GPR26: variants seen among roughly 807,000 people sequenced by gnomAD.
GPR26 encodes G protein-coupled receptor 26.
GPR26 carries 15 observed loss-of-function variants against 23.1 expected under a neutral mutation model. That is an observed-to-expected ratio of 0.65 (90% confidence interval 0.43 to 1.00). The LOEUF (loss-of-function observed/expected upper bound fraction) is 1.00, where lower values mean the gene tolerates loss of function less well. GPR26 is among the 50% of genes least tolerant of loss of function. The probability of loss-of-function intolerance (pLI) is 0.00; values close to 1 mark genes in which losing one functional copy is unlikely to be tolerated. For missense variants in GPR26, 359 were observed against 470.5 expected (o/e 0.76, Z 2.19); for synonymous variants, 228 against 222.1 (o/e 1.03, Z -0.24).
In GPR26 at chr10:123,689,669, TGAA is replaced by T. The variant is rs1845470996; in HGVS notation, c.*1512_*1514del. On this transcript the variant is annotated 3_prime_UTR_variant, in exon 3 of 3. Transcript: ENST00000284674. ...AGGATGTGGTCCAACGGGAAGGAAG[TGAA>T]GAGTCTATTGGTTTTTACTTCTAGG... The T allele has an allele frequency of 6.6e-6, 1 of 152,206 alleles. No individual in the cohort carries two copies. The allele number at this position is 152,206 out of a possible 1,614,324, so 9.4% of individuals were successfully genotyped here. A position where few individuals can be genotyped will look rare whatever the true frequency, so the allele number is the denominator to read the frequency against.
chr10:123,684,873 C>T (rs546183018), intron 2 of GPR26, among the ~76,000 whole-genome samples: 1 of 152,346 alleles, frequency 6.6e-6, no homozygotes, highest in Non-Finnish European at 1.5e-5. Context: ...AGATGCAATT[C>T]AACCCTCAAT....
At chr10:123,679,567 C>G (rs1845345808) in intron 2 of GPR26, among the ~76,000 whole-genome samples, 2 of 152,188 alleles carry the variant, frequency 1.3e-5, no homozygotes, top group Non-Finnish European at 2.9e-5. Flanking sequence ...AGCCATGTCT[C>G]TATTGCATCC....
chr10:123,687,970 G>A lies in GPR26; in HGVS notation c.824G>A (p.Trp275Ter), dbSNP rs755868746. 6.2e-7 allele frequency: 1 copy of A among 1,612,424 alleles called. No homozygotes were observed. Among genetic ancestry groups the A allele is most frequent in the Non-Finnish European group, 8.5e-7 (1 of 1,178,870 alleles). ...LFSTVPIGSH[W>*]GVLSKCLAYS... is the part of the protein sequence containing the mutation. Reference sequence around the variant, plus strand: ...TCCACGGTGCCCATCGGCTCCCACTGGGGGGTGCTGTCCAAGTGCTTGGCG... The same window carrying A: ...TCCACGGTGCCCATCGGCTCCCACTAGGGGGTGCTGTCCAAGTGCTTGGCG... Residue 275 changes from tryptophan (W) to a stop codon, truncating the protein, a stop_gained, in exon 3 of 3, where the codon TGG becomes TAG. Transcript: ENST00000284674. LOFTEE classifies it high-confidence loss of function.
rs984776566 is a variant in GPR26, at chr10:123,695,636, T to G, written c.*7476T>G. Reference sequence around the variant, plus strand: ...GGTCAGTTTCCTAAGGACCAGACCATAGTGACTGCTCATGCATCGGCTGAA... The same window carrying G: ...GGTCAGTTTCCTAAGGACCAGACCAGAGTGACTGCTCATGCATCGGCTGAA... On this transcript the variant is annotated 3_prime_UTR_variant, in exon 3 of 3. Transcript: ENST00000284674. Among the ~76,000 whole-genome samples, 1 of 152,158 alleles carries G rather than the reference T, an allele frequency of 6.6e-6. No individual in the cohort carries two copies. Among genetic ancestry groups the G allele is most frequent in the Admixed American group, 6.5e-5 (1 of 15,278 alleles).
In GPR26 at chr10:123,666,806, C is replaced by G; in HGVS notation, c.399C>G (p.His133Gln). 1.2e-6 allele frequency: 2 copies of G among 1,607,748 alleles called. No homozygotes were observed. Among genetic ancestry groups the G allele is most frequent in the East Asian group, 2.2e-5 (1 of 44,660 alleles). Residue 133 changes from histidine (H) to glutamine (Q), a missense_variant, in exon 1 of 3, where the codon CAC becomes CAG. His to Gln is a conservative substitution (Grantham distance 24). Coordinates refer to ENST00000284674, the MANE Select transcript of GPR26 (RefSeq NM_153442.4). Reference protein sequence around the residue: ...AALMVAYTWLHALTFPAAALA... With the variant: ...AALMVAYTWLQALTFPAAALA... The stretch of plus-strand genomic sequence containing the variant: ...TCATGGTGGCCTACACGTGGCTGCA[C>G]GCGCTCACCTTCCCAGCCGCCGCGC...
rs573916698 is a variant in GPR26 at position 123,674,777 on chromosome 10, G to C, written c.669-41G>C. ...ATAGTGCCTCATCCTGACCTAGCAA[G>C]GGTGCCTCGTAGTTCACCTTCTCTC... On this transcript the variant is annotated intron_variant, in intron 1 of 2. Transcript: ENST00000284674. The surrounding 1 kb of genome is among the most constrained non-coding windows in gnomAD (Gnocchi z 4.1). The C allele has an allele frequency of 1.7e-5, 22 of 1,329,786 alleles. No homozygotes were observed. The highest frequency in any genetic ancestry group is 1.0e-4 in the Admixed American group (6 of 58,272). 82.4% of individuals were successfully genotyped at this position (1,329,786 alleles called of 1,614,324 possible). A position where few individuals can be genotyped will look rare whatever the true frequency, so the allele number is the denominator to read the frequency against.
chr10:123,681,283 T>A (rs1054951598), intron 2 of GPR26, among the ~76,000 whole-genome samples: 4 of 152,170 alleles, frequency 2.6e-5, no homozygotes, highest in African/African-American at 9.7e-5. Context: ...ACCGCTCTGC[T>A]TCTTCTCTCA....
intron 1 of GPR26, among the ~76,000 whole-genome samples, chr10:123,672,855 C>T (rs1845266310): frequency 6.6e-6 from 1 of 152,188 alleles, no homozygotes; most frequent in African/African-American, 2.4e-5. Flanking sequence ...ACCCTATCAC[C>T]ACCATTTTCC....
At chr10:123,673,415 C>T (rs1188476720) in intron 1 of GPR26, among the ~76,000 whole-genome samples, 2 of 152,146 alleles carry the variant, frequency 1.3e-5, no homozygotes, top group Non-Finnish European at 2.9e-5. Context: ...ATTTTTGGAG[C>T]CAGGCCACTG....
Position 123,694,428 on chromosome 10 carries a change from T to C in GPR26, c.*6268T>C, listed in dbSNP as rs570319425. The C allele has an allele frequency of 2.6e-5, 4 of 152,260 alleles. No individual in the cohort carries two copies. The highest frequency in any genetic ancestry group is 4.4e-5 in the Non-Finnish European group (3 of 68,064). The allele number at this position is 152,260 out of a possible 1,614,324, so 9.4% of individuals were successfully genotyped here. A position where few individuals can be genotyped will look rare whatever the true frequency, so the allele number is the denominator to read the frequency against. On this transcript the variant is annotated 3_prime_UTR_variant, in exon 3 of 3. Transcript: ENST00000284674. ...ATGATCTGTGGCCAGTGGGAGATGA[T>C]AGAAGTCTTGAGGTTGGGAATATAA...
intron 2 of GPR26, among the ~76,000 whole-genome samples, chr10:123,680,322 A>G (rs1409845368): frequency 2.6e-5 from 4 of 152,246 alleles, no homozygotes; most frequent in African/African-American, 7.2e-5. Flanking sequence ...TGTGCCTTCC[A>G]CAGCACTCCA....
Position 123,674,856 on chromosome 10 carries a change from G to A in GPR26, c.707G>A (p.Arg236Gln), listed in dbSNP as rs201154887. 56 of 1,613,292 alleles carry A rather than the reference G, an allele frequency of 3.5e-5. No individual in the cohort carries two copies. The highest frequency in any genetic ancestry group is 2.2e-5 in the South Asian group (2 of 90,974). The change falls in exon 2 of 3, where the codon CGA becomes CAA. Residue 236 changes from arginine to glutamine, a missense_variant. Coordinates refer to ENST00000284674, the MANE Select transcript of GPR26 (RefSeq NM_153442.4). The surrounding 1 kb of genome is among the most constrained non-coding windows in gnomAD (Gnocchi z 4.1). Reference sequence around the variant, plus strand: ...TGTCTGGAGGAGCAGAAGCGGAGGCGACAGCGAGCCACCAAGAAGATCAGC... The same window carrying A: ...TGTCTGGAGGAGCAGAAGCGGAGGCAACAGCGAGCCACCAAGAAGATCAGC... ...ERCLEEQKRR[R>Q]QRATKKISTF... is the part of the protein sequence containing the mutation.
Position 123,671,664 on chromosome 10 carries a change from C to T in GPR26, c.669-3154C>T, listed in dbSNP as rs139103899. Among the ~76,000 whole-genome samples, 337 of 152,308 alleles carry T rather than the reference C, an allele frequency of 2.2e-3. 1 individual carries two copies. Among genetic ancestry groups the T allele is most frequent in the African/African-American group, 7.4e-3 (307 of 41,550 alleles). The stretch of plus-strand genomic sequence containing the variant: ...GGTCTGAGGACTCTGGGTACCACCA[C>T]CAGGCCCAGGGATGTTTGAGAATGC... On this transcript the variant is annotated intron_variant, in intron 1 of 2. Coordinates refer to ENST00000284674, the MANE Select transcript of GPR26 (RefSeq NM_153442.4).
At chr10:123,685,006 T>C (rs768513766) in intron 2 of GPR26, among the ~76,000 whole-genome samples, 2 of 152,170 alleles carry the variant, frequency 1.3e-5, no homozygotes, top group Non-Finnish European at 2.9e-5. Flanking sequence ...AGACTTCTGC[T>C]CTGCGAGCTG....
chr10:123,666,595 C>T lies in GPR26; in HGVS notation c.188C>T (p.Thr63Met). 1 of 1,593,306 alleles carries T rather than the reference C, an allele frequency of 6.3e-7. No homozygotes were observed. The highest frequency in any genetic ancestry group is 8.5e-7 in the Non-Finnish European group (1 of 1,172,296). ...TGCACCGTGGTCAACATGCCGCTCA[C>T]GCTGGCCGGCGTCGTGGCGCAGCGG... ...LLCTVVNMPL[T>M]LAGVVAQRQP... The change falls in exon 1 of 3, where the codon ACG becomes ATG. Residue 63 changes from threonine (T) to methionine (M), a missense_variant. Thr to Met is a moderately conservative substitution (Grantham distance 81). Transcript: ENST00000284674.
rs186769415 is a variant in GPR26, at chr10:123,684,083, G to A, written c.783-3846G>A. On this transcript the variant is annotated intron_variant, in intron 2 of 2. Coordinates refer to ENST00000284674, the MANE Select transcript of GPR26 (RefSeq NM_153442.4). ...TGGACCTAACCCCAGGGGATTTTCC[G>A]GGGGGAGCTGTGTCAGGGCAGGCAT... 1.5e-3 allele frequency among the ~76,000 whole-genome samples: 235 copies of A among 152,104 alleles called. 1 individual carries two copies. The highest frequency in any genetic ancestry group is 3.4e-3 in the Middle Eastern group (1 of 294).
intron 1 of GPR26, among the ~76,000 whole-genome samples, chr10:123,670,960 A>C (rs1211221556): frequency 1.3e-5 from 2 of 152,102 alleles, no homozygotes; most frequent in Non-Finnish European, 2.9e-5. Flanking sequence ...GGGACTCTTA[A>C]TGTGCAGGGC....
At chr10:123,679,631 T>TG (rs150594925) in intron 2 of GPR26, among the ~76,000 whole-genome samples, 63,479 of 151,602 alleles carry the variant, frequency 0.42, 13,560 homozygotes, top group African/African-American at 0.49. Flanking sequence ...AGTGTTTGAA[T>TG]AATTGCCCAG....
Position 123,666,878 on chromosome 10 carries a change from G to T in GPR26, c.471G>T (p.Thr157=), listed in dbSNP as rs747117686. The T allele has an allele frequency of 8.1e-6, 13 of 1,611,700 alleles. No homozygotes were observed. The highest frequency in any genetic ancestry group is 1.0e-5 in the Non-Finnish European group (12 of 1,179,362). Residue 157 remains threonine (T), a synonymous_variant, in exon 1 of 3, where the codon ACG becomes ACT. Coordinates refer to ENST00000284674, the MANE Select transcript of GPR26 (RefSeq NM_153442.4). ...TCCACCAGCTGTACGCCTCGTGCAC[G>T]CTGTGCAGCCGGCGGCCAGACGAGC... ...LGFHQLYASC[T]LCSRRPDERL... is the part of the protein sequence containing the mutation.
Sources: gnomAD v4.1 joint callset for allele counts (sites outside exome capture counted in the v4.1 genomes callset) on GRCh38, gnomAD v4.1.1 for gene constraint, Gnocchi (gnomAD v3.1) non-coding constraint, MANE v1.5 for transcripts, NCBI Gene and HGNC (gene_info 2026-07-23, HGNC 2026-07-21) for gene names.